The following OR8H1 variants were observed in gnomAD, a reference collection of about 807,000 sequenced individuals.
OR8H1 encodes the protein olfactory receptor 8H1.
For missense variants in OR8H1, 388 were observed against 374.1 expected (o/e 1.04, Z -0.31); for synonymous variants, 135 against 134.5 (o/e 1.00, Z -0.03).
In OR8H1 at chr11:56,290,849, T is replaced by G. The variant is rs1231289379; in HGVS notation, c.214A>C (p.Ser72Arg). The G allele has an allele frequency of 6.2e-7, 1 of 1,614,036 alleles. No homozygotes were observed. Among genetic ancestry groups the G allele is most frequent in the African/African-American group, 1.3e-5 (1 of 74,920 alleles). The part of the protein sequence containing the change: ...FLTHLSFIDL[S>R]YSTVITPKTL... ...TTAGGTGTGATGACAGTTGAGTAAC[T>G]GAGGTCAATAAATGACAAGTGAGTA... The change falls in exon 2 of 2, where the codon AGT (serine) becomes CGT (arginine). Residue 72 changes from serine to arginine, a missense_variant. Transcript: ENST00000641600.
At position 56,290,891 on chromosome 11, in the gene OR8H1, G is replaced by A; in HGVS notation, c.172C>T (p.Pro58Ser). Residue 58 changes from proline to serine, a missense_variant, in exon 2 of 2, where the codon CCC (proline) becomes TCC (serine). Coordinates refer to ENST00000641600, the MANE Select transcript of OR8H1 (RefSeq NM_001005199.2). ...AAGTGAGTAAGGAAAAAATACATGG[G>A]AGTGTGAAGCTGGAGGTCCAGGCGG... The part of the protein sequence containing the change: ...IIRLDLQLHT[P>S]MYFFLTHLSF... 6.2e-7 allele frequency: 1 copy of A among 1,614,152 alleles called. No homozygotes were observed. The highest frequency in any genetic ancestry group is 1.1e-5 in the South Asian group (1 of 91,076).
intron 1 of OR8H1, 118 bp downstream of exon 1, chr11:56,291,833 A>C (rs1418410468): frequency 6.6e-6 from 1 of 152,090 alleles, no homozygotes; most frequent in Non-Finnish European, 1.5e-5. Context: ...CTCTTTTCAC[A>C]AACCCGGACA....
In OR8H1 at chr11:56,290,352, C is replaced by G. The variant is rs564858647; in HGVS notation, c.711G>C (p.Leu237Phe). 4 of 1,614,100 alleles carry G rather than the reference C, an allele frequency of 2.5e-6. No individual in the cohort carries two copies. Among genetic ancestry groups the G allele is most frequent in the Non-Finnish European group, 3.4e-6 (4 of 1,179,980 alleles). Residue 237 changes from leucine to phenylalanine, a missense_variant, in exon 2 of 2, where the codon TTG becomes TTC. Physicochemically the swap from Leu to Phe is conservative, Grantham distance 22. Coordinates refer to ENST00000641600, the MANE Select transcript of OR8H1 (RefSeq NM_001005199.2). ...INSTSGKQKA[L>F]STCASHLLGV... ...CCAAGAGATGAGAGGCACAAGTAGA[C>G]AAAGCTTTCTGCTTTCCTGAAGTGG...
intron 1 of OR8H1, among the ~76,000 whole-genome samples, chr11:56,291,514 C>T (rs1854151875): frequency 6.6e-6 from 1 of 152,090 alleles, no homozygotes; most frequent in Admixed American, 6.6e-5. Flanking sequence ...ATACTATACT[C>T]CTGTTTATAA....
chr11:56,291,757 T>A, intron 1 of OR8H1, among the ~76,000 whole-genome samples, 194 bp downstream of exon 1: 1 of 152,114 alleles, frequency 6.6e-6, no homozygotes, highest in East Asian at 1.9e-4. Context: ...TCAAATTTCT[T>A]CCAAAAATTA....
In OR8H1 at chr11:56,289,362, C is replaced by T. The variant is rs886713255; in HGVS notation, c.*765G>A. On this transcript the variant is annotated 3_prime_UTR_variant, in exon 2 of 2. Transcript: ENST00000641600. ...ATCTAACTCTTGGAAAACTTTATTT[C>T]AAAACAGTACTCCTAAAGACTCTGT... The T allele has an allele frequency of 6.6e-6, 1 of 152,068 alleles. No homozygotes were observed. Among genetic ancestry groups the T allele is most frequent in the Non-Finnish European group, 1.5e-5 (1 of 68,018 alleles). 9.4% of individuals were successfully genotyped at this position (152,068 alleles called of 1,614,324 possible).
chr11:56,289,814 C>T lies in OR8H1; in HGVS notation c.*313G>A. 1 of 336,960 alleles carries T rather than the reference C, an allele frequency of 3.0e-6. No individual in the cohort carries two copies. Among genetic ancestry groups the T allele is most frequent in the South Asian group, 3.0e-5 (1 of 33,454 alleles). 20.9% of individuals were successfully genotyped at this position (336,960 alleles called of 1,614,324 possible). A position where few individuals can be genotyped will look rare whatever the true frequency, so the allele number is the denominator to read the frequency against. ...TTTTTTGTATTTTTACTACAGACCACATTTCATCATGGCTAGGCTGGTCTT... is the reference window on the plus strand; with the variant it reads ...TTTTTTGTATTTTTACTACAGACCATATTTCATCATGGCTAGGCTGGTCTT... On this transcript the variant is annotated 3_prime_UTR_variant, in exon 2 of 2. Coordinates refer to ENST00000641600, the MANE Select transcript of OR8H1 (RefSeq NM_001005199.2).
intron 1 of OR8H1, 35 bp from the exon 2 acceptor site, chr11:56,291,119 C>T: frequency 1.6e-6 from 2 of 1,235,450 alleles, no homozygotes; most frequent in South Asian, 1.5e-5. Flanking sequence ...ACATGAATGA[C>T]TTCAAAAGGT....
Position 56,290,629 on chromosome 11 carries a change from G to A in OR8H1, c.434C>T (p.Thr145Ile), listed in dbSNP as rs1289302388. 5.0e-6 allele frequency: 8 copies of A among 1,614,176 alleles called. No individual in the cohort carries two copies. The highest frequency in any genetic ancestry group is 6.8e-6 in the Non-Finnish European group (8 of 1,180,030). The change falls in exon 2 of 2, where the codon ACT becomes ATT. Residue 145 changes from threonine to isoleucine, a missense_variant. Coordinates refer to ENST00000641600, the MANE Select transcript of OR8H1 (RefSeq NM_001005199.2). ...GATAAAGCTAATCACATAGGGCCCAGTGACAAGAGCGCAACACAGCCTTTT... is the reference window on the plus strand; with the variant it reads ...GATAAAGCTAATCACATAGGGCCCAATGACAAGAGCGCAACACAGCCTTTT... ...MSKRLCCALVTGPYVISFINS... is the reference protein window; with the variant it reads ...MSKRLCCALVIGPYVISFINS...
In OR8H1 at chr11:56,291,018, C is replaced by G; in HGVS notation, c.45G>C (p.Thr15=). The G allele has an allele frequency of 6.2e-7, 1 of 1,611,188 alleles. No homozygotes were observed. The highest frequency in any genetic ancestry group is 8.5e-7 in the Non-Finnish European group (1 of 1,178,820). ...GGACCTCTTCAGAATCTGACAGTCC[C>G]GTAAGGATGAAGTCAGGCACATTTG... The part of the protein sequence containing the change: ...NNTNVPDFIL[T]GLSDSEEVQM... Residue 15 remains threonine (T), a synonymous_variant, in exon 2 of 2, where the codon ACG becomes ACC. Transcript: ENST00000641600.
At position 56,290,057 on chromosome 11, in the gene OR8H1, G is replaced by T. The variant is rs774692922; in HGVS notation, c.*70C>A. 3 of 1,235,592 alleles carry T rather than the reference G, an allele frequency of 2.4e-6. No homozygotes were observed. The highest frequency in any genetic ancestry group is 3.6e-6 in the Non-Finnish European group (3 of 835,644). The allele number at this position is 1,235,592 out of a possible 1,614,324, so 76.5% of individuals were successfully genotyped here. ...AAGGATTCAATTGTTTTTATAGGGAGACCAAGGACATACCAAATAGAAAAG... is the reference window on the plus strand; with the variant it reads ...AAGGATTCAATTGTTTTTATAGGGATACCAAGGACATACCAAATAGAAAAG... On this transcript the variant is annotated 3_prime_UTR_variant, in exon 2 of 2. Coordinates refer to ENST00000641600, the MANE Select transcript of OR8H1 (RefSeq NM_001005199.2).
rs1464558068 is a variant in OR8H1 at position 56,288,945 on chromosome 11, T to C, written c.*1182A>G. The C allele has an allele frequency of 6.6e-6, 1 of 152,098 alleles. No individual in the cohort carries two copies. Among genetic ancestry groups the C allele is most frequent in the Non-Finnish European group, 1.5e-5 (1 of 67,976 alleles). 9.4% of individuals were successfully genotyped at this position (152,098 alleles called of 1,614,324 possible). A position where few individuals can be genotyped will look rare whatever the true frequency, so the allele number is the denominator to read the frequency against. On this transcript the variant is annotated 3_prime_UTR_variant, in exon 2 of 2. Coordinates refer to ENST00000641600, the MANE Select transcript of OR8H1 (RefSeq NM_001005199.2). ...TTTTGAGGGTTTCTATTTTCCTTAA[T>C]ATTTTATAATATTTTTCAAATTTTC...
At position 56,291,019 on chromosome 11, in the gene OR8H1, G is replaced by T. The variant is rs1194830188; in HGVS notation, c.44C>A (p.Thr15Lys). The change falls in exon 2 of 2, where the codon ACG becomes AAG. Residue 15 changes from threonine to lysine, a missense_variant. Transcript: ENST00000641600. ...GACCTCTTCAGAATCTGACAGTCCCGTAAGGATGAAGTCAGGCACATTTGT... is the reference window on the plus strand; with the variant it reads ...GACCTCTTCAGAATCTGACAGTCCCTTAAGGATGAAGTCAGGCACATTTGT... ...NNTNVPDFIL[T>K]GLSDSEEVQM... 1 of 1,610,852 alleles carries T rather than the reference G, an allele frequency of 6.2e-7. No individual in the cohort carries two copies.
chr11:56,290,053 G>T lies in OR8H1; in HGVS notation c.*74C>A. 1 of 1,193,248 alleles carries T rather than the reference G, an allele frequency of 8.4e-7. No homozygotes were observed. Among genetic ancestry groups the T allele is most frequent in the South Asian group, 1.2e-5 (1 of 82,332 alleles). The allele number at this position is 1,193,248 out of a possible 1,614,324, so 73.9% of individuals were successfully genotyped here. ...CATGAAGGATTCAATTGTTTTTATA[G>T]GGAGACCAAGGACATACCAAATAGA... On this transcript the variant is annotated 3_prime_UTR_variant, in exon 2 of 2. Transcript: ENST00000641600.
In OR8H1 at chr11:56,290,302, A is replaced by T; in HGVS notation, c.761T>A (p.Met254Lys). 7 of 1,613,450 alleles carry T rather than the reference A, an allele frequency of 4.3e-6. No homozygotes were observed. In the South Asian group the frequency reaches 6.6e-5, roughly 15 times the overall value. ...TCTTGGTTTTAAATAAGTAAAAATC[A>T]TAGTTCCATAAAAGATGGTGACTCC... ...LLGVTIFYGT[M>K]IFTYLKPRKS... Residue 254 changes from methionine (M) to lysine (K), a missense_variant, in exon 2 of 2, where the codon ATG (methionine) becomes AAG (lysine). Met to Lys is a moderately conservative substitution (Grantham distance 95, BLOSUM62 -1). Transcript: ENST00000641600.
rs1286413291 is a variant in OR8H1, at chr11:56,288,522, CTT to C, written c.*1603_*1604del. 1 of 152,038 alleles carries C rather than the reference CTT, an allele frequency of 6.6e-6. No homozygotes were observed. Among genetic ancestry groups the C allele is most frequent in the Non-Finnish European group, 1.5e-5 (1 of 67,920 alleles). 9.4% of individuals were successfully genotyped at this position (152,038 alleles called of 1,614,324 possible). A position where few individuals can be genotyped will look rare whatever the true frequency, so the allele number is the denominator to read the frequency against. On this transcript the variant is annotated 3_prime_UTR_variant, in exon 2 of 2. Coordinates refer to ENST00000641600, the MANE Select transcript of OR8H1 (RefSeq NM_001005199.2). ...ATTTTAACAAAGAAACAGTTTGACT[CTT>C]TACAGAAGTCAAGTTTTCAAATGTT...
rs1324183128 is a variant in OR8H1 at position 56,290,838 on chromosome 11, A to G, written c.225T>C (p.Thr75=). Residue 75 remains threonine, a synonymous_variant, in exon 2 of 2, where the codon ACT becomes ACC. Coordinates refer to ENST00000641600, the MANE Select transcript of OR8H1 (RefSeq NM_001005199.2). Reference sequence around the variant, plus strand: ...TCGCTAAGGTTTTAGGTGTGATGACAGTTGAGTAACTGAGGTCAATAAATG... The same window carrying G: ...TCGCTAAGGTTTTAGGTGTGATGACGGTTGAGTAACTGAGGTCAATAAATG... The part of the protein sequence containing the change: ...HLSFIDLSYS[T]VITPKTLANL... 8.7e-6 allele frequency: 14 copies of G among 1,614,162 alleles called. No homozygotes were observed. Among genetic ancestry groups the G allele is most frequent in the Non-Finnish European group, 1.1e-5 (13 of 1,180,004 alleles).
rs765421826 is a variant in OR8H1, at chr11:56,290,870, G to A, written c.193C>T (p.His65Tyr). 2 of 1,614,134 alleles carry A rather than the reference G, an allele frequency of 1.2e-6. No homozygotes were observed. Among genetic ancestry groups the A allele is most frequent in the Non-Finnish European group, 1.7e-6 (2 of 1,180,008 alleles). Reference sequence around the variant, plus strand: ...TAACTGAGGTCAATAAATGACAAGTGAGTAAGGAAAAAATACATGGGAGTG... The same window carrying A: ...TAACTGAGGTCAATAAATGACAAGTAAGTAAGGAAAAAATACATGGGAGTG... ...LHTPMYFFLT[H>Y]LSFIDLSYST... is the part of the protein sequence containing the mutation. The change falls in exon 2 of 2, where the codon CAC becomes TAC. Residue 65 changes from histidine to tyrosine, a missense_variant. His to Tyr is a moderately conservative substitution (Grantham distance 83, BLOSUM62 2). Coordinates refer to ENST00000641600, the MANE Select transcript of OR8H1 (RefSeq NM_001005199.2).
rs1854103133 is a variant in OR8H1 at position 56,289,028 on chromosome 11, A to G, written c.*1099T>C. On this transcript the variant is annotated 3_prime_UTR_variant, in exon 2 of 2. Transcript: ENST00000641600. Reference sequence around the variant, plus strand: ...ATTTTATCAAAATATTTTATTTCCTAAAGTCCAAATTGTGAACTACTGATA... The same window carrying G: ...ATTTTATCAAAATATTTTATTTCCTGAAGTCCAAATTGTGAACTACTGATA... 6.6e-6 allele frequency: 1 copy of G among 152,080 alleles called. No homozygotes were observed. The highest frequency in any genetic ancestry group is 6.6e-5 in the Admixed American group (1 of 15,264). The allele number at this position is 152,080 out of a possible 1,614,324, so 9.4% of individuals were successfully genotyped here.
Sources: allele counts gnomAD v4.1 joint callset (sites outside exome capture counted in the v4.1 genomes callset), GRCh38; gene constraint gnomAD v4.1.1; transcripts MANE v1.5; gene names NCBI Gene and HGNC (gene_info 2026-07-23, HGNC 2026-07-21).